Variants in BMP2 observed in about 807,000 individuals in gnomAD.
BMP2 encodes the protein bone morphogenetic protein 2, also known as bone morphogenetic protein 2A.
BMP2 carries 2 observed loss-of-function variants against 28.8 expected under a neutral mutation model. That is an observed-to-expected ratio of 0.07 (90% CI 0.03 to 0.22). The LOEUF is 0.22. Among genes scored for constraint, BMP2 ranks in the 10% least tolerant of loss-of-function variants. The pLI is 1.00. For synonymous variants in BMP2, 218 were observed against 204.3 expected (o/e 1.07, Z -0.57); for missense variants, 437 against 517.7 (o/e 0.84, Z 1.51).
chr20:6,770,271 G>A lies in BMP2; in HGVS notation c.145G>A (p.Val49Ile). Reference protein sequence around the residue: ...GRPSSQPSDEVLSEFELRLLS... With the variant: ...GRPSSQPSDEILSEFELRLLS... ...CCCCTCATCCCAGCCCTCTGACGAG[G>A]TCCTGAGCGAGTTCGAGTTGCGGCT... The change falls in exon 2 of 3, where the codon GTC becomes ATC. Residue 49 changes from valine (V) to isoleucine (I), a missense_variant. By Grantham distance (29) the Val-to-Ile change is conservative. Transcript: ENST00000378827. 6.2e-7 allele frequency: 1 copy of A among 1,613,034 alleles called. No homozygotes were observed. The highest frequency in any genetic ancestry group is 8.5e-7 in the Non-Finnish European group (1 of 1,179,694).
At position 6,778,542 on chromosome 20, in the gene BMP2, G is replaced by A. The variant is rs141178075; in HGVS notation, c.644G>A (p.Arg215Gln). The change falls in exon 3 of 3, where the codon CGG (arginine) becomes CAG (glutamine). Residue 215 changes from arginine (R) to glutamine (Q), a missense_variant. Transcript: ENST00000378827. The surrounding 1 kb of genome is among the most constrained non-coding windows in gnomAD (Gnocchi z 5.0). The part of the protein sequence containing the change: ...ESFDVTPAVM[R>Q]WTAQGHANHG... ...TTTGATGTCACCCCCGCTGTGATGC[G>A]GTGGACTGCACAGGGACACGCCAAC... is the stretch of plus-strand genomic sequence containing the variant. 1.5e-5 allele frequency: 24 copies of A among 1,614,036 alleles called. No individual in the cohort carries two copies. Among genetic ancestry groups the A allele is most frequent in the African/African-American group, 1.1e-4 (8 of 74,914 alleles).
chr20:6,779,177 G>GT lies in BMP2; in HGVS notation c.*90dup. ...AAACAAACAAAAAAACCCCACCCCAGTTGACACTTTAATATTTCCCAATGA... is the reference window on the plus strand; with the variant it reads ...AAACAAACAAAAAAACCCCACCCCAGTTTGACACTTTAATATTTCCCAATGA... On this transcript the variant is annotated 3_prime_UTR_variant, in exon 3 of 3. Transcript: ENST00000378827. The GT allele has an allele frequency of 1.7e-6, 1 of 572,806 alleles. No homozygotes were observed. The highest frequency in any genetic ancestry group is 2.4e-6 in the Non-Finnish European group (1 of 418,498). 35.5% of individuals were successfully genotyped at this position (572,806 alleles called of 1,614,324 possible).
chr20:6,767,993 CG>C lies in BMP2; in HGVS notation c.-886del, dbSNP rs1986285964. The C allele has an allele frequency of 2.5e-6, 1 of 397,502 alleles. No individual in the cohort carries two copies. Among genetic ancestry groups the C allele is most frequent in the Non-Finnish European group, 4.4e-6 (1 of 225,428 alleles). The allele number at this position is 397,502 out of a possible 1,614,324, so 24.6% of individuals were successfully genotyped here. A position where few individuals can be genotyped will look rare whatever the true frequency, so the allele number is the denominator to read the frequency against. On this transcript the variant is annotated 5_prime_UTR_variant, in exon 1 of 3. Coordinates refer to ENST00000378827, the MANE Select transcript of BMP2 (RefSeq NM_001200.4). Reference sequence around the variant, plus strand: ...AGCCGCGGACGGGCGCGCAGAGCGCCGGGGACTCCGGAGCCGATCCCTAGCG... The same window carrying C: ...AGCCGCGGACGGGCGCGCAGAGCGCCGGGACTCCGGAGCCGATCCCTAGCG...
chr20:6,773,061 GGA>G (rs1179387366), intron 2 of BMP2, among the ~76,000 whole-genome samples: 1 of 152,120 alleles, frequency 6.6e-6, no homozygotes, highest in African/African-American at 2.4e-5. Context: ...TTGTCAGATG[GGA>G]GAGAGAAAGA....
intron 2 of BMP2, among the ~76,000 whole-genome samples, chr20:6,777,184 T>C (rs1986517485): frequency 6.6e-6 from 1 of 152,178 alleles, no homozygotes; most frequent in Non-Finnish European, 1.5e-5. Context: ...ATAATACTTC[T>C]TAAAAATTGA....
In BMP2 at chr20:6,778,655, G is replaced by T. The variant is rs776172632; in HGVS notation, c.757G>T (p.Asp253Tyr). Residue 253 changes from aspartate to tyrosine, a missense_variant, in exon 3 of 3, where the codon GAT becomes TAT. Coordinates refer to ENST00000378827, the MANE Select transcript of BMP2 (RefSeq NM_001200.4). The surrounding 1 kb of genome is among the most constrained non-coding windows in gnomAD (Gnocchi z 5.0). Reference protein sequence around the residue: ...HVRISRSLHQDEHSWSQIRPL... With the variant: ...HVRISRSLHQYEHSWSQIRPL... ...TAGGATAAGCAGGTCTTTGCACCAA[G>T]ATGAACACAGCTGGTCACAGATAAG... 1.2e-6 allele frequency: 2 copies of T among 1,614,120 alleles called. No individual in the cohort carries two copies. Among genetic ancestry groups the T allele is most frequent in the South Asian group, 2.2e-5 (2 of 91,068 alleles).
chr20:6,772,805 T>C (rs968268039), intron 2 of BMP2, among the ~76,000 whole-genome samples: 1 of 152,230 alleles, frequency 6.6e-6, no homozygotes, highest in Admixed American at 6.5e-5. Context: ...AGTTGTATTT[T>C]TCCTATTGAA....
At position 6,768,281 on chromosome 20, in the gene BMP2, CG is replaced by C. The variant is rs553625436; in HGVS notation, c.-595del. The stretch of plus-strand genomic sequence containing the variant: ...TGCACTGGAGTAAGGCAGAGTGATG[CG>C]GGGGGGCAACTCGCCTGGCACCGAG... On this transcript the variant is annotated 5_prime_UTR_variant, in exon 1 of 3. The change creates a premature stop within an existing upstream ORF in the 5' untranslated region. Coordinates refer to ENST00000378827, the MANE Select transcript of BMP2 (RefSeq NM_001200.4). The C allele has an allele frequency of 1.5e-5, 6 of 397,874 alleles. No homozygotes were observed. The highest frequency in any genetic ancestry group is 3.6e-5 in the East Asian group (1 of 27,996). 24.6% of individuals were successfully genotyped at this position (397,874 alleles called of 1,614,324 possible).
rs1343693799 is a variant in BMP2 at position 6,778,818 on chromosome 20, A to G, written c.920A>G (p.Asp307Gly). The change falls in exon 3 of 3, where the codon GAC (aspartate) becomes GGC (glycine). Residue 307 changes from aspartate to glycine, a missense_variant. Asp to Gly is a moderately conservative substitution (Grantham distance 94). Around this residue, in one of 2 missense-constraint regions of BMP2, gnomAD observed 74 missense variants for 124.9 expected, o/e 0.59. Coordinates refer to ENST00000378827, the MANE Select transcript of BMP2 (RefSeq NM_001200.4). The surrounding 1 kb of genome is among the most constrained non-coding windows in gnomAD (Gnocchi z 5.0). ...KRHPLYVDFSDVGWNDWIVAP... is the reference protein window; with the variant it reads ...KRHPLYVDFSGVGWNDWIVAP... ...CACCCTTTGTACGTGGACTTCAGTG[A>G]CGTGGGGTGGAATGACTGGATTGTG... The G allele has an allele frequency of 6.2e-7, 1 of 1,614,182 alleles. No homozygotes were observed. The highest frequency in any genetic ancestry group is 2.2e-5 in the East Asian group (1 of 44,878).
At chr20:6,771,142 G>A (rs1028687883) in intron 2 of BMP2, among the ~76,000 whole-genome samples, 9 of 152,096 alleles carry the variant, frequency 5.9e-5, no homozygotes, top group African/African-American at 2.2e-4. Context: ...TCAGATAAAA[G>A]CGTTTGTAGC....
intron 2 of BMP2, among the ~76,000 whole-genome samples, chr20:6,773,058 A>T (rs1212071670): frequency 6.6e-6 from 1 of 152,182 alleles, no homozygotes; most frequent in Non-Finnish European, 1.5e-5. Context: ...TTTTTGTCAG[A>T]TGGGAGAGAG....
At chr20:6,770,494 G>C (rs768828191) in intron 2 of BMP2, 22 bp downstream of exon 2, 5 of 1,558,506 alleles carry the variant, frequency 3.2e-6, no homozygotes, top group East Asian at 4.5e-5. Context: ...AGCAGGGCGT[G>C]GGGGCGGGGA....
chr20:6,769,612 G>GGGGTGTGTGTGT (rs367780897), intron 1 of BMP2, among the ~76,000 whole-genome samples: 23 of 139,906 alleles, frequency 1.6e-4, no homozygotes, highest in African/African-American at 6.0e-4. Flanking sequence ...AAGCTATAAG[G>GGGGTGTGTGTGT]GTGTGTGTGT....
chr20:6,770,406 G>A lies in BMP2; in HGVS notation c.280G>A (p.Ala94Thr), dbSNP rs779964077. 1 of 1,611,688 alleles carries A rather than the reference G, an allele frequency of 6.2e-7. No homozygotes were observed. Among genetic ancestry groups the A allele is most frequent in the African/African-American group, 1.3e-5 (1 of 74,864 alleles). The change falls in exon 2 of 3, where the codon GCC becomes ACC. Residue 94 changes from alanine (A) to threonine (T), a missense_variant. By Grantham distance (58) the Ala-to-Thr change is moderately conservative (BLOSUM62 0). Around this residue, in one of 2 missense-constraint regions of BMP2, gnomAD observed 363 missense variants for 392.8 expected, o/e 0.92. Coordinates refer to ENST00000378827, the MANE Select transcript of BMP2 (RefSeq NM_001200.4). ...RRHSGQPGSP[A>T]PDHRLERAAS... ...GCACTCAGGTCAGCCGGGCTCACCC[G>A]CCCCAGACCACCGGTTGGAGAGGGC...
At chr20:6,770,019 TG>T in intron 1 of BMP2, 100 bp from the exon 2 acceptor site, 1 of 1,256,198 alleles carries the variant, frequency 8.0e-7, no homozygotes, top group Non-Finnish European at 1.1e-6. Flanking sequence ...GAGGGCATCC[TG>T]GAGGAGGCAC....
intron 2 of BMP2, among the ~76,000 whole-genome samples, chr20:6,775,522 T>C (rs563791885): frequency 6.6e-6 from 1 of 152,336 alleles, no homozygotes; most frequent in Non-Finnish European, 1.5e-5. Context: ...TTTGCTCGTC[T>C]ATTTTTTCTC....
intron 2 of BMP2, among the ~76,000 whole-genome samples, chr20:6,775,061 G>A (rs1482571450): frequency 6.6e-6 from 1 of 152,174 alleles, no homozygotes. Context: ...TCAAAGACAG[G>A]TCGAAATCCT....
At chr20:6,773,112 T>A (rs1333690583) in intron 2 of BMP2, among the ~76,000 whole-genome samples, 1 of 152,244 alleles carries the variant, frequency 6.6e-6, no homozygotes, top group Non-Finnish European at 1.5e-5. Flanking sequence ...AAGGACACAG[T>A]CTTCTTTCTA....
intron 2 of BMP2, among the ~76,000 whole-genome samples, chr20:6,777,034 G>A (rs1459138398): frequency 5.9e-5 from 9 of 152,122 alleles, no homozygotes; most frequent in Non-Finnish European, 1.3e-4. Flanking sequence ...GATAGGATGT[G>A]GTAAAGTTAG....
Sources: gnomAD v4.1 joint callset for allele counts (sites outside exome capture counted in the v4.1 genomes callset) on GRCh38, gnomAD v4.1.1 for gene constraint, gnomAD v4.1.1 regional missense constraint, Gnocchi (gnomAD v3.1) non-coding constraint, MANE v1.5 for transcripts, NCBI Gene and HGNC (gene_info 2026-07-23, HGNC 2026-07-21) for gene names.